URB1: variants seen among roughly 807,000 people sequenced by gnomAD.
URB1 encodes URB1 ribosome biogenesis factor.
A neutral mutation model predicts 242.3 loss-of-function variants in URB1; 197 were observed. The ratio of observed to expected loss-of-function variants is 0.81; its 90% confidence interval spans 0.72 to 0.91. The LOEUF is 0.91. URB1 is among the 40% of genes least tolerant of loss of function. URB1 has a pLI of 0.00. For missense variants in URB1, 2,721 were observed against 2,860.5 expected (o/e 0.95, Z 1.11); for synonymous variants, 1,153 against 1,201.8 (o/e 0.96, Z 0.84).
At position 32,347,511 on chromosome 21, in the gene URB1, G is replaced by A. The variant is rs1418659287; in HGVS notation, c.3313C>T (p.Leu1105=). The A allele has an allele frequency of 6.4e-7, 1 of 1,551,366 alleles. No individual in the cohort carries two copies. Among genetic ancestry groups the A allele is most frequent in the African/African-American group, 1.4e-5 (1 of 73,186 alleles). The change falls in exon 22 of 39, where the codon CTG becomes TTG. Residue 1105 remains leucine (L), a synonymous_variant. Transcript: ENST00000382751. ...GGATGCAGCTCCTGCAGGGCCTCCA[G>A]CTGCGGCGGGGTCTTTGGTGGTGAT... ...ATSPPKTPPQ[L]EALQELHPYM...
chr21:32,367,744 A>T (rs907925726), intron 9 of URB1, among the ~76,000 whole-genome samples: 5 of 152,260 alleles, frequency 3.3e-5, no homozygotes, highest in Non-Finnish European at 7.3e-5. Flanking sequence ...CCTACAAGTC[A>T]GACATTTCAT....
intron 34 of URB1, among the ~76,000 whole-genome samples, chr21:32,321,098 A>C (rs1242244988): frequency 6.6e-6 from 1 of 152,256 alleles, no homozygotes; most frequent in Non-Finnish European, 1.5e-5. Context: ...CAGAATTCTC[A>C]CATGCCATAG....
Position 32,361,183 on chromosome 21 carries a change from G to GAAAGAAAGAAAGAAAGAAAGAA in URB1, c.1640-82_1640-61dup, listed in dbSNP as rs2033282610. The GAAAGAAAGAAAGAAAGAAAGAA allele has an allele frequency of 4.9e-6, 4 of 810,288 alleles. No individual in the cohort carries two copies. In the East Asian group the frequency reaches 8.7e-5, roughly 18 times the overall value. 50.2% of individuals were successfully genotyped at this position (810,288 alleles called of 1,614,324 possible). On this transcript the variant is annotated intron_variant, in intron 12 of 38. Coordinates refer to ENST00000382751, the MANE Select transcript of URB1 (RefSeq NM_014825.3). ...AAAAAGAAAGAAAGAAAGAAAGAAAGAAAGAAAGAAAGAAAGAAAGAAAAT... is the reference window on the plus strand; with the variant it reads ...AAAAAGAAAGAAAGAAAGAAAGAAAGAAAGAAAGAAAGAAAGAAAGAAAAAGAAAGAAAGAAAGAAAGAAAAT...
At chr21:32,322,364 A>C in intron 33 of URB1, 114 bp downstream of exon 33, 1 of 980,942 alleles carries the variant, frequency 1.0e-6, no homozygotes, top group Non-Finnish European at 1.6e-6. Context: ...CCGACTGCAC[A>C]ATCGTGTTGG....
Position 32,347,121 on chromosome 21 carries a change from C to A in URB1, c.3703G>T (p.Ala1235Ser). The A allele has an allele frequency of 6.5e-7, 1 of 1,549,488 alleles. No individual in the cohort carries two copies. The highest frequency in any genetic ancestry group is 8.7e-7 in the Non-Finnish European group (1 of 1,146,386). The change falls in exon 22 of 39, where the codon GCC (alanine) becomes TCC (serine). Residue 1235 changes from alanine to serine, a missense_variant. By Grantham distance (99) the Ala-to-Ser change is moderately conservative. Transcript: ENST00000382751. ...GTGCAGCTCTCCTGGAGGAGCAGGGCAGCGATGCTGAGGGCCGCCTGTGTG... is the reference window on the plus strand; with the variant it reads ...GTGCAGCTCTCCTGGAGGAGCAGGGAAGCGATGCTGAGGGCCGCCTGTGTG... Reference protein sequence around the residue: ...RRTQAALSIAALLLQESCTHL... With the variant: ...RRTQAALSIASLLLQESCTHL...
At chr21:32,341,555 G>T in intron 24 of URB1, 31 bp from the exon 25 acceptor site, 3 of 1,544,836 alleles carry the variant, frequency 1.9e-6, no homozygotes, top group Middle Eastern at 1.7e-4. Context: ...AAAAACACAT[G>T]AAACATCTCA....
Position 32,392,750 on chromosome 21 carries a change from C to T in URB1, c.142+19G>A, listed in dbSNP as rs1245658687. 7.0e-7 allele frequency: 1 copy of T among 1,420,502 alleles called. No homozygotes were observed. Among genetic ancestry groups the T allele is most frequent in the Non-Finnish European group, 9.2e-7 (1 of 1,086,174 alleles). The allele number at this position is 1,420,502 out of a possible 1,614,324, so 88.0% of individuals were successfully genotyped here. A position where few individuals can be genotyped will look rare whatever the true frequency, so the allele number is the denominator to read the frequency against. On this transcript the variant is annotated intron_variant, in intron 1 of 38. Coordinates refer to ENST00000382751, the MANE Select transcript of URB1 (RefSeq NM_014825.3). Reference sequence around the variant, plus strand: ...GCCAGCCTGTGCTCCCGACCCTGCGCCTGCCGCCCCGGACTCACCTGGCCC... The same window carrying T: ...GCCAGCCTGTGCTCCCGACCCTGCGTCTGCCGCCCCGGACTCACCTGGCCC...
At chr21:32,362,986 G>A (rs1036476619) in intron 11 of URB1, among the ~76,000 whole-genome samples, 170 bp downstream of exon 11, 1 of 152,150 alleles carries the variant, frequency 6.6e-6, no homozygotes. Context: ...ATCACAAGTG[G>A]CAGGTCTTCT....
chr21:32,354,592 G>C (rs1017421275), intron 17 of URB1, among the ~76,000 whole-genome samples: 2 of 152,162 alleles, frequency 1.3e-5, no homozygotes, highest in African/African-American at 2.4e-5. Context: ...TCTTGGGGTT[G>C]CTTATGAGAT....
At position 32,354,098 on chromosome 21, in the gene URB1, G is replaced by A. The variant is rs1203902158; in HGVS notation, c.2251C>T (p.Leu751Phe). ...TCCACCAGGACATCCACCATGTCGA[G>A]AACATCTGAGACAGAAAGAGGAGAA... ...SIPISHIDDVLDMVDVLVEGS... is the reference protein window; with the variant it reads ...SIPISHIDDVFDMVDVLVEGS... Residue 751 changes from leucine to phenylalanine, a missense_variant, in exon 18 of 39, where the codon CTC becomes TTC. By Grantham distance (22) the Leu-to-Phe change is conservative. Transcript: ENST00000382751. 1.3e-6 allele frequency: 2 copies of A among 1,551,488 alleles called. No individual in the cohort carries two copies. The highest frequency in any genetic ancestry group is 1.4e-5 in the African/African-American group (1 of 73,032).
chr21:32,383,963 T>G (rs2033554191), intron 3 of URB1, among the ~76,000 whole-genome samples: 1 of 152,312 alleles, frequency 6.6e-6, no homozygotes, highest in South Asian at 2.1e-4. Flanking sequence ...TCTGAGCACC[T>G]GCTACATGCA....
chr21:32,361,500 G>T (rs966693670), intron 12 of URB1, among the ~76,000 whole-genome samples: 1 of 148,938 alleles, frequency 6.7e-6, no homozygotes, highest in Non-Finnish European at 1.5e-5. Context: ...CAGGGCTGCC[G>T]AAAGGATGAA....
intron 11 of URB1, among the ~76,000 whole-genome samples, chr21:32,362,588 C>T (rs1034167474): frequency 6.6e-6 from 1 of 152,192 alleles, no homozygotes; most frequent in African/African-American, 2.4e-5. Context: ...AAACGAACCC[C>T]TTAAACCTCA....
At chr21:32,332,223 A>G (rs1326031316) in intron 30 of URB1, among the ~76,000 whole-genome samples, 3 of 152,144 alleles carry the variant, frequency 2.0e-5, no homozygotes, top group Admixed American at 2.0e-4. Context: ...TTTTAGATAG[A>G]AACATAAGAA....
intron 21 of URB1, among the ~76,000 whole-genome samples, chr21:32,348,072 G>A (rs1601137324): frequency 6.6e-6 from 1 of 152,326 alleles, no homozygotes; most frequent in East Asian, 1.9e-4. Flanking sequence ...ACTGGACTGT[G>A]ACCTGGCTGG....
At chr21:32,392,474 C>T (rs2033650586) in intron 1 of URB1, among the ~76,000 whole-genome samples, 1 of 152,176 alleles carries the variant, frequency 6.6e-6, no homozygotes, top group Admixed American at 6.5e-5. Flanking sequence ...ACTTCCCTGA[C>T]AACTGCAATA....
intron 18 of URB1, 63 bp downstream of exon 18, chr21:32,353,870 C>T: frequency 6.7e-7 from 1 of 1,496,200 alleles, no homozygotes; most frequent in Non-Finnish European, 8.9e-7. Context: ...GGAATCCCAC[C>T]TCCCACCCTG....
chr21:32,338,903 A>G lies in URB1; in HGVS notation c.4317-3T>C. The G allele has an allele frequency of 3.3e-6, 5 of 1,529,462 alleles. No homozygotes were observed. Among genetic ancestry groups the G allele is most frequent in the Non-Finnish European group, 4.4e-6 (5 of 1,131,226 alleles). 94.7% of individuals were successfully genotyped at this position (1,529,462 alleles called of 1,614,324 possible). A position where few individuals can be genotyped will look rare whatever the true frequency, so the allele number is the denominator to read the frequency against. ...ATGTGTGGTCCTGGTACCGAAATCT[A>G]GGCGGCGAGAGTCAAAGGGAAAAGA... On this transcript the variant is annotated splice_polypyrimidine_tract_variant and splice_region_variant and intron_variant, in intron 25 of 38. Transcript: ENST00000382751.
chr21:32,356,155 A>G (rs530154451), intron 15 of URB1, among the ~76,000 whole-genome samples: 6 of 152,342 alleles, frequency 3.9e-5, no homozygotes, highest in South Asian at 2.1e-4. Flanking sequence ...CTGAGGTGTG[A>G]GAATTGCTTG....
Sources: allele counts gnomAD v4.1 joint callset (sites outside exome capture counted in the v4.1 genomes callset), GRCh38; gene constraint gnomAD v4.1.1; transcripts MANE v1.5; gene names NCBI Gene and HGNC (gene_info 2026-07-23, HGNC 2026-07-21).